PTPRD: variants seen among roughly 807,000 people sequenced by gnomAD.
The protein encoded by PTPRD is receptor-type tyrosine-protein phosphatase delta.
PTPRD carries 34 observed loss-of-function variants against 214.5 expected under a neutral mutation model. The ratio of observed to expected loss-of-function variants is 0.16; its 90% CI spans 0.12 to 0.21. The LOEUF is 0.21. Ranked by LOEUF, PTPRD falls within the 10% of genes least tolerant of loss-of-function variation. The pLI is 1.00. For synonymous variants in PTPRD, 1,128 were observed against 845.7 expected, an observed-to-expected ratio of 1.33 and a Z score of -5.79; for missense variants, 2,545 against 2,398.7, an observed-to-expected ratio of 1.06 and a Z score of -1.27.
At chr9:9,523,730 A>C (rs531035158) in intron 8 of PTPRD, among the ~76,000 whole-genome samples, 2 of 152,130 alleles carry the variant, frequency 1.3e-5, no homozygotes, top group Non-Finnish European at 2.9e-5. Context: ...AACCTCTGAG[A>C]CAGCATGTGG....
At position 10,612,902 on chromosome 9, in the gene PTPRD, C is replaced by G. The variant is rs891108181; in HGVS notation, c.-922G>C. Among the ~76,000 whole-genome samples, 1 of 151,750 alleles carries G rather than the reference C, an allele frequency of 6.6e-6. No individual in the cohort carries two copies. The highest frequency in any genetic ancestry group is 1.5e-5 in the Non-Finnish European group (1 of 67,908). On this transcript the variant is annotated 5_prime_UTR_variant, in exon 1 of 46. Coordinates refer to ENST00000381196, the MANE Select transcript of PTPRD (RefSeq NM_002839.4). ...GGCGAGGCGCTGCCCCCACGCGCTC[C>G]GGCCGCCGGCTGCGGGCGCGGCTGG... is the stretch of plus-strand genomic sequence containing the variant.
chr9:9,672,747 CA>C (rs886890516), intron 7 of PTPRD, among the ~76,000 whole-genome samples: 27 of 150,346 alleles, frequency 1.8e-4, no homozygotes, highest in African/African-American at 5.6e-4. Flanking sequence ...ACAAAAGCTA[CA>C]AAAAAAAATT....
At chr9:8,364,533 G>C (rs548772480) in intron 39 of PTPRD, among the ~76,000 whole-genome samples, 5 of 152,220 alleles carry the variant, frequency 3.3e-5, no homozygotes, top group Non-Finnish European at 5.9e-5. Context: ...CTACAGCCAC[G>C]GCACAGCCAG....
At chr9:9,943,200 G>A (rs996004025) in intron 4 of PTPRD, among the ~76,000 whole-genome samples, 1 of 152,142 alleles carries the variant, frequency 6.6e-6, no homozygotes, top group African/African-American at 2.4e-5. Flanking sequence ...GAACTTGTTA[G>A]ATATCCTAAT....
At chr9:9,423,178 G>A (rs969467493) in intron 8 of PTPRD, among the ~76,000 whole-genome samples, 2 of 152,144 alleles carry the variant, frequency 1.3e-5, no homozygotes, top group Non-Finnish European at 2.9e-5. Context: ...ACAATGTCCA[G>A]TATATGAAAT....
chr9:10,329,410 A>T (rs1046391279), intron 3 of PTPRD, among the ~76,000 whole-genome samples: 3 of 151,870 alleles, frequency 2.0e-5, no homozygotes, highest in Non-Finnish European at 4.4e-5. Flanking sequence ...ATTTTAAAAT[A>T]AAATTTAAAA....
intron 7 of PTPRD, among the ~76,000 whole-genome samples, chr9:9,635,809 T>C (rs1483501857): frequency 6.6e-6 from 1 of 152,120 alleles, no homozygotes; most frequent in African/African-American, 2.4e-5. Flanking sequence ...AAGTTTTCCT[T>C]CTAAATAAAT....
intron 9 of PTPRD, among the ~76,000 whole-genome samples, chr9:9,362,164 G>A (rs965687367): frequency 2.1e-4 from 31 of 151,144 alleles, no homozygotes; most frequent in Admixed American, 1.9e-3. Flanking sequence ...GGAGGGCATC[G>A]CAAGGGATGG....
At chr9:8,374,092 A>G (rs2082478347) in intron 39 of PTPRD, among the ~76,000 whole-genome samples, 1 of 149,066 alleles carries the variant, frequency 6.7e-6, no homozygotes, top group Non-Finnish European at 1.5e-5. Flanking sequence ...CCATTATTTT[A>G]AACATATAAT....
chr9:10,225,906 G>C (rs2099587305), intron 3 of PTPRD, among the ~76,000 whole-genome samples: 1 of 151,934 alleles, frequency 6.6e-6, no homozygotes, highest in Non-Finnish European at 1.5e-5. Flanking sequence ...TAAAGAAATG[G>C]GGCTTGAGAA....
intron 7 of PTPRD, among the ~76,000 whole-genome samples, chr9:9,674,214 T>A (rs113668894): frequency 6.6e-5 from 10 of 151,918 alleles, no homozygotes; most frequent in African/African-American, 2.4e-4. Context: ...ATGGAGCTGA[T>A]AGGCATTGTT....
At position 8,314,543 on chromosome 9, in the gene PTPRD, G is replaced by A. The variant is rs1820878201; in HGVS notation, c.*3331C>T. Reference sequence around the variant, plus strand: ...AGACACTCCAAGCTGGGATGGCAAAGCCACATAACGGATGGATAGAATGGA... The same window carrying A: ...AGACACTCCAAGCTGGGATGGCAAAACCACATAACGGATGGATAGAATGGA... On this transcript the variant is annotated 3_prime_UTR_variant, in exon 46 of 46. Transcript: ENST00000381196. 2 of 232,222 alleles carry A rather than the reference G, an allele frequency of 8.6e-6. No homozygotes were observed. The highest frequency in any genetic ancestry group is 1.7e-5 in the Non-Finnish European group (2 of 117,162). The allele number at this position is 232,222 out of a possible 1,614,324, so 14.4% of individuals were successfully genotyped here. A position where few individuals can be genotyped will look rare whatever the true frequency, so the allele number is the denominator to read the frequency against.
At chr9:8,403,174 G>A (rs947255150) in intron 36 of PTPRD, among the ~76,000 whole-genome samples, 22 of 152,282 alleles carry the variant, frequency 1.4e-4, no homozygotes, top group Non-Finnish European at 2.6e-4. Context: ...AAGCAGGTAG[G>A]AGATGTGGTC....
At chr9:8,863,740 AT>A (rs984092613) in intron 11 of PTPRD, among the ~76,000 whole-genome samples, 6 of 152,184 alleles carry the variant, frequency 3.9e-5, no homozygotes, top group African/African-American at 1.4e-4. Flanking sequence ...GTATAAACAC[AT>A]TTCTGTCACC....
In PTPRD at chr9:9,369,462, T is replaced by G. The variant is rs535066959; in HGVS notation, c.-203+27987A>C. ...CCCACTTTTTGGTGGGGTTGTTTGC[T>G]TTTTTTCTTGTAAATTTGTTGGAGT... is the stretch of plus-strand genomic sequence containing the variant. On this transcript the variant is annotated intron_variant, in intron 9 of 45. Transcript: ENST00000381196. Among the ~76,000 whole-genome samples the G allele has an allele frequency of 2.1e-3, 317 of 152,194 alleles. 2 individuals carry two copies. The Middle Eastern group carries it at 0.054, about 26-fold the overall frequency.
intron 11 of PTPRD, among the ~76,000 whole-genome samples, chr9:8,839,486 G>A (rs187302203): frequency 3.3e-5 from 5 of 152,116 alleles, no homozygotes; most frequent in Admixed American, 2.0e-4. Flanking sequence ...CACCATCCCT[G>A]GCTAATTTTT....
At chr9:8,625,056 T>C (rs2095973902) in intron 14 of PTPRD, among the ~76,000 whole-genome samples, 1 of 151,752 alleles carries the variant, frequency 6.6e-6, no homozygotes, top group African/African-American at 2.4e-5. Flanking sequence ...GCCAGGAACA[T>C]TTCTAGGCCA....
intron 11 of PTPRD, among the ~76,000 whole-genome samples, chr9:8,777,526 G>T (rs2095532606): frequency 6.6e-6 from 1 of 152,124 alleles, no homozygotes; most frequent in African/African-American, 2.4e-5. Flanking sequence ...TCATAATCTA[G>T]GAAAAAGTTT....
At chr9:8,588,369 C>G (rs1298804904) in intron 14 of PTPRD, among the ~76,000 whole-genome samples, 1 of 152,120 alleles carries the variant, frequency 6.6e-6, no homozygotes, top group Non-Finnish European at 1.5e-5. Context: ...GTGTCACAGT[C>G]ATATTAAGCT....
Sources: gnomAD v4.1 joint callset for allele counts (sites outside exome capture counted in the v4.1 genomes callset) on GRCh38, gnomAD v4.1.1 for gene constraint, MANE v1.5 for transcripts, NCBI Gene and HGNC (gene_info 2026-07-23, HGNC 2026-07-21) for gene names.